Variants in UNC5C observed in about 807,000 individuals in gnomAD.
The protein encoded by UNC5C is netrin receptor UNC5C.
In UNC5C, 47 loss-of-function variants were observed where a neutral mutation model predicts 99.8. The ratio of observed to expected loss-of-function variants is 0.47; its 90% confidence interval spans 0.37 to 0.60. The LOEUF is 0.60. Among genes scored for constraint, UNC5C ranks in the 20% least tolerant of loss-of-function variants. The pLI is 0.00. For missense variants in UNC5C, 1,062 were observed against 1,165.9 expected (o/e 0.91, Z 1.30); for synonymous variants, 487 against 452.2 (o/e 1.08, Z -0.98).
intron 1 of UNC5C, among the ~76,000 whole-genome samples, chr4:95,457,149 T>C (rs140649670): frequency 5.9e-5 from 9 of 152,290 alleles, no homozygotes; most frequent in African/African-American, 1.9e-4. Flanking sequence ...TAATATGTTA[T>C]TCAATGTTGT....
intron 1 of UNC5C, among the ~76,000 whole-genome samples, chr4:95,407,651 G>A (rs542554790): frequency 6.6e-6 from 1 of 152,246 alleles, no homozygotes; most frequent in Non-Finnish European, 1.5e-5. Flanking sequence ...GGCACAAAGA[G>A]ACAAGTTATT....
intron 3 of UNC5C, among the ~76,000 whole-genome samples, chr4:95,292,269 A>AT (rs1422248773): frequency 1.0e-3 from 116 of 115,532 alleles, no homozygotes; most frequent in Non-Finnish European, 1.6e-3. Context: ...ATATATATAA[A>AT]TTTTTTTTGT....
At position 95,202,857 on chromosome 4, in the gene UNC5C, T is replaced by C. The variant is rs1483050162; in HGVS notation, c.2010A>G (p.Val670=). 2 of 1,614,242 alleles carry C rather than the reference T, an allele frequency of 1.2e-6. No homozygotes were observed. The highest frequency in any genetic ancestry group is 4.5e-5 in the East Asian group (2 of 44,868). Residue 670 remains valine (V), a synonymous_variant, in exon 12 of 16, where the codon GTA becomes GTG. Transcript: ENST00000453304. ...LTENLSTYAL[V]GHSTTKAAAK... ...CAGCCGCTTTGGTGGTGGAATGTCCTACCAGGGCGTAGGTGCTGAGGTTCT... is the reference window on the plus strand; with the variant it reads ...CAGCCGCTTTGGTGGTGGAATGTCCCACCAGGGCGTAGGTGCTGAGGTTCT...
At chr4:95,493,808 G>T (rs1185630760) in intron 1 of UNC5C, among the ~76,000 whole-genome samples, 1 of 151,282 alleles carries the variant, frequency 6.6e-6, no homozygotes, top group African/African-American at 2.4e-5. Context: ...AAAGACAGCG[G>T]ACTGATCAAC....
intron 14 of UNC5C, among the ~76,000 whole-genome samples, chr4:95,172,157 A>G (rs1187081951): frequency 6.7e-6 from 1 of 149,476 alleles, no homozygotes; most frequent in Non-Finnish European, 1.5e-5. Context: ...TCAGATGAGT[A>G]GGTTGCGAAA....
intron 1 of UNC5C, among the ~76,000 whole-genome samples, chr4:95,520,638 G>A (rs1021891210): frequency 1.5e-5 from 2 of 133,456 alleles, no homozygotes; most frequent in Admixed American, 8.5e-5. Flanking sequence ...TCCCTCTGTC[G>A]CCCAGGCTGG....
At chr4:95,476,344 C>T (rs186424263) in intron 1 of UNC5C, among the ~76,000 whole-genome samples, 1 of 151,990 alleles carries the variant, frequency 6.6e-6, no homozygotes, top group Non-Finnish European at 1.5e-5. Flanking sequence ...TCTTAAAAAG[C>T]CTGGCATCTA....
intron 3 of UNC5C, among the ~76,000 whole-genome samples, chr4:95,288,427 A>T (rs969075151): frequency 2.6e-5 from 4 of 152,196 alleles, no homozygotes; most frequent in African/African-American, 9.6e-5. Flanking sequence ...TAACTCACTC[A>T]TTCAAGCTCA....
At chr4:95,425,452 A>G (rs973602342) in intron 1 of UNC5C, among the ~76,000 whole-genome samples, 11 of 152,148 alleles carry the variant, frequency 7.2e-5, no homozygotes, top group African/African-American at 9.7e-5. Context: ...GTCGCGAGTA[A>G]CTGGGACTAC....
intron 11 of UNC5C, among the ~76,000 whole-genome samples, chr4:95,203,752 C>T (rs1426783886): frequency 6.6e-6 from 1 of 152,186 alleles, no homozygotes; most frequent in African/African-American, 2.4e-5. Flanking sequence ...GTGTGAGCCA[C>T]CACGCCCAGC....
In UNC5C at chr4:95,162,545, C is replaced by A. The variant is rs918042244; in HGVS notation, c.*6689G>T. On this transcript the variant is annotated 3_prime_UTR_variant, in exon 16 of 16. Transcript: ENST00000453304. ...ATAATTTATTACCTGTTTAAAAATTCTTTCTTACATTTTGTACATGTTGGC... is the reference window on the plus strand; with the variant it reads ...ATAATTTATTACCTGTTTAAAAATTATTTCTTACATTTTGTACATGTTGGC... 6.6e-6 allele frequency: 1 copy of A among 152,128 alleles called. No individual in the cohort carries two copies. Among genetic ancestry groups the A allele is most frequent in the Non-Finnish European group, 1.5e-5 (1 of 68,018 alleles). The allele number at this position is 152,128 out of a possible 1,614,324, so 9.4% of individuals were successfully genotyped here. A position where few individuals can be genotyped will look rare whatever the true frequency, so the allele number is the denominator to read the frequency against.
intron 1 of UNC5C, among the ~76,000 whole-genome samples, chr4:95,535,811 C>T (rs182307944): frequency 1.1e-4 from 17 of 151,862 alleles, no homozygotes; most frequent in East Asian, 3.9e-4. Flanking sequence ...CACGCACACA[C>T]GGGTGCACAC....
intron 3 of UNC5C, among the ~76,000 whole-genome samples, chr4:95,294,095 T>C (rs1220948900): frequency 6.6e-6 from 1 of 152,196 alleles, no homozygotes; most frequent in Non-Finnish European, 1.5e-5. Flanking sequence ...ATATTGGTAA[T>C]ACTGTTGAAA....
intron 4 of UNC5C, among the ~76,000 whole-genome samples, chr4:95,261,490 G>A (rs1740224115): frequency 6.6e-6 from 1 of 152,178 alleles, no homozygotes; most frequent in East Asian, 1.9e-4. Context: ...ACATGTAAAT[G>A]ACCTGGAGAA....
chr4:95,267,878 C>T (rs897061753), intron 4 of UNC5C, among the ~76,000 whole-genome samples: 3 of 150,644 alleles, frequency 2.0e-5, no homozygotes, highest in African/African-American at 4.9e-5. Context: ...GAAATTATAA[C>T]AAATTATAAT....
At chr4:95,424,341 T>C (rs1028615291) in intron 1 of UNC5C, among the ~76,000 whole-genome samples, 1 of 151,614 alleles carries the variant, frequency 6.6e-6, no homozygotes, top group Non-Finnish European at 1.5e-5. Context: ...TGTCTGTGTA[T>C]ATATACACAG....
At chr4:95,181,486 C>A (rs980191728) in intron 14 of UNC5C, among the ~76,000 whole-genome samples, 1 of 152,144 alleles carries the variant, frequency 6.6e-6, no homozygotes, top group Non-Finnish European at 1.5e-5. Flanking sequence ...TCACCCCCCT[C>A]CAAAATTCCG....
chr4:95,375,254 T>G (rs1744859577), intron 1 of UNC5C, among the ~76,000 whole-genome samples: 1 of 152,118 alleles, frequency 6.6e-6, no homozygotes, highest in Non-Finnish European at 1.5e-5. Flanking sequence ...GAATTGGTTA[T>G]GAAGAACATA....
intron 1 of UNC5C, among the ~76,000 whole-genome samples, chr4:95,536,397 T>G (rs1722784463): frequency 6.6e-6 from 1 of 152,130 alleles, no homozygotes; most frequent in African/African-American, 2.4e-5. Flanking sequence ...TTTTTTTTAG[T>G]GTCATTCATA....
Sources: gnomAD v4.1 joint callset for allele counts (sites outside exome capture counted in the v4.1 genomes callset) on GRCh38, gnomAD v4.1.1 for gene constraint, MANE v1.5 for transcripts, NCBI Gene and HGNC (gene_info 2026-07-23, HGNC 2026-07-21) for gene names.